Variants in PPARGC1A observed in about 807,000 individuals in gnomAD.
The protein encoded by PPARGC1A is PPARG coactivator 1 alpha.
In PPARGC1A, 25 loss-of-function variants were observed where a neutral mutation model predicts 88.7. The ratio of observed to expected loss-of-function variants is 0.28; its 90% confidence interval spans 0.21 to 0.39. The LOEUF (loss-of-function observed/expected upper bound fraction) is 0.39, where lower values mean the gene tolerates loss of function less well. Among genes scored for constraint, PPARGC1A ranks in the 10% least tolerant of loss-of-function variants. PPARGC1A has a pLI of 1.00. For synonymous variants in PPARGC1A, 363 were observed against 355.6 expected (o/e 1.02, Z -0.24); for missense variants, 880 against 968.7 (o/e 0.91, Z 1.22).
chr4:23,998,988 T>G, the PPARGC1A span, among the ~76,000 whole-genome samples: 3 of 152,230 alleles, frequency 2.0e-5, no homozygotes, highest in African/African-American at 4.8e-5. Flanking sequence ...TTGAGATCAA[T>G]CTTATGAATA....
chr4:24,376,371 A>T, the PPARGC1A span, among the ~76,000 whole-genome samples: 12 of 152,318 alleles, frequency 7.9e-5, no homozygotes, highest in African/African-American at 2.9e-4. Flanking sequence ...TCAGCTCTTC[A>T]TGAAAGCCTG....
At chr4:24,116,625 G>A in the PPARGC1A span, among the ~76,000 whole-genome samples, 5 of 152,266 alleles carry the variant, frequency 3.3e-5, no homozygotes, top group Middle Eastern at 6.8e-3. Flanking sequence ...CCAATGCAAC[G>A]ATCTGGAAAA....
chr4:24,143,782 C>T, the PPARGC1A span, among the ~76,000 whole-genome samples: 1 of 152,184 alleles, frequency 6.6e-6, no homozygotes, highest in African/African-American at 2.4e-5. Context: ...AGACATGGCC[C>T]CTGTTGTCAG....
At chr4:23,878,518 C>A (rs1715274203) in intron 2 of PPARGC1A, among the ~76,000 whole-genome samples, 1 of 152,032 alleles carries the variant, frequency 6.6e-6, no homozygotes, top group African/African-American at 2.4e-5. Flanking sequence ...CCCTGTGGGT[C>A]AGAACTCCTG....
upstream of PPARGC1A, among the ~76,000 whole-genome samples, chr4:23,904,562 T>C (rs565891395): frequency 6.6e-6 from 1 of 152,180 alleles, no homozygotes; most frequent in South Asian, 2.1e-4. Flanking sequence ...AGGGTTTTCC[T>C]CCTCTCATTT....
At chr4:23,996,243 TCCC>T in the PPARGC1A span, among the ~76,000 whole-genome samples, 1 of 152,062 alleles carries the variant, frequency 6.6e-6, no homozygotes, top group East Asian at 1.9e-4. Flanking sequence ...AGTAAGCAGC[TCCC>T]CCATTATAAT....
rs60129476 is a variant in PPARGC1A, at chr4:23,796,843, T to C, written c.2294-918A>G. Among the ~76,000 whole-genome samples, 323 of 152,194 alleles carry C rather than the reference T, an allele frequency of 2.1e-3. 1 individual carries two copies. Among genetic ancestry groups the C allele is most frequent in the African/African-American group, 7.0e-3 (292 of 41,550 alleles). ...GGAAAACAAAACCATTCTGGAAAAC[T>C]AACAATTCTACCAAAATACAAGAAT... On this transcript the variant is annotated intron_variant, in intron 12 of 12. Coordinates refer to ENST00000264867, the MANE Select transcript of PPARGC1A (RefSeq NM_013261.5).
At chr4:24,221,361 G>A in the PPARGC1A span, among the ~76,000 whole-genome samples, 4 of 151,996 alleles carry the variant, frequency 2.6e-5, no homozygotes, top group East Asian at 1.9e-4. Flanking sequence ...AACCTAAGAC[G>A]TACAATGGTA....
At chr4:23,924,037 T>G in the PPARGC1A span, among the ~76,000 whole-genome samples, 1 of 152,200 alleles carries the variant, frequency 6.6e-6, no homozygotes, top group East Asian at 1.9e-4. Flanking sequence ...CCATGCTGGC[T>G]CAGCCCTGGC....
the PPARGC1A span, among the ~76,000 whole-genome samples, chr4:24,147,991 G>C: frequency 6.6e-6 from 1 of 152,012 alleles, no homozygotes; most frequent in Admixed American, 6.6e-5. Flanking sequence ...GGATAAAGCA[G>C]AAATGAGGTA....
At chr4:24,263,658 C>G in the PPARGC1A span, among the ~76,000 whole-genome samples, 1 of 152,220 alleles carries the variant, frequency 6.6e-6, no homozygotes, top group African/African-American at 2.4e-5. Context: ...TCTTCCTCCT[C>G]CTCAGTCCAC....
At chr4:24,331,785 A>ATATATT in the PPARGC1A span, among the ~76,000 whole-genome samples, 1 of 150,372 alleles carries the variant, frequency 6.7e-6, no homozygotes, top group Admixed American at 6.6e-5. Flanking sequence ...ATATATATAT[A>ATATATT]TTTTAAGTTC....
chr4:23,810,522 C>A (rs1720700105), intron 10 of PPARGC1A, among the ~76,000 whole-genome samples: 1 of 152,068 alleles, frequency 6.6e-6, no homozygotes, highest in African/African-American at 2.4e-5. Flanking sequence ...CTGTAAAGGG[C>A]CGAACTAGCA....
intron 12 of PPARGC1A, among the ~76,000 whole-genome samples, chr4:23,798,020 A>G (rs1174557198): frequency 6.6e-6 from 1 of 152,074 alleles, no homozygotes; most frequent in Non-Finnish European, 1.5e-5. Context: ...CTCCTGGCTC[A>G]TCCTGGCTCA....
chr4:24,095,913 C>T, the PPARGC1A span, among the ~76,000 whole-genome samples: 1 of 152,158 alleles, frequency 6.6e-6, no homozygotes, highest in Non-Finnish European at 1.5e-5. Flanking sequence ...CTCATCACCT[C>T]TTAAAGGCCT....
chr4:24,462,541 G>A, the PPARGC1A span, among the ~76,000 whole-genome samples: 3 of 151,960 alleles, frequency 2.0e-5, no homozygotes, highest in Non-Finnish European at 2.9e-5. Context: ...CTTACTAGCT[G>A]TGTGACCTTG....
the PPARGC1A span, among the ~76,000 whole-genome samples, chr4:24,104,976 G>A: frequency 6.6e-6 from 1 of 152,200 alleles, no homozygotes; most frequent in Non-Finnish European, 1.5e-5. Flanking sequence ...TCACTGGGCT[G>A]ATGTGCATAT....
At chr4:24,188,620 G>C in the PPARGC1A span, among the ~76,000 whole-genome samples, 66 of 152,222 alleles carry the variant, frequency 4.3e-4, 1 homozygote, top group East Asian at 0.012. Context: ...CATAAGGATG[G>C]TTACTATCAA....
chr4:24,282,612 A>T, the PPARGC1A span, among the ~76,000 whole-genome samples: 1 of 152,248 alleles, frequency 6.6e-6, no homozygotes, highest in Non-Finnish European at 1.5e-5. Flanking sequence ...CTTACTCAGT[A>T]TTGGAAGCAC....
Sources: gnomAD v4.1 joint callset for allele counts (sites outside exome capture counted in the v4.1 genomes callset) on GRCh38, gnomAD v4.1.1 for gene constraint, MANE v1.5 for transcripts, NCBI Gene and HGNC (gene_info 2026-07-23, HGNC 2026-07-21) for gene names.